The following BCAS1 variants were observed in gnomAD, a reference collection of about 807,000 sequenced individuals.
BCAS1 encodes the protein brain enriched myelin associated protein 1.
BCAS1 carries 46 observed loss-of-function variants against 65.4 expected under a neutral mutation model. That is an observed-to-expected ratio of 0.70 (90% CI 0.55 to 0.90). BCAS1 has a LOEUF of 0.90. Ranked by LOEUF, BCAS1 falls within the 40% of genes least tolerant of loss-of-function variation. The pLI is 0.00. For missense variants in BCAS1, 793 were observed against 771.2 expected (o/e 1.03, Z -0.33); for synonymous variants, 298 against 293.5 (o/e 1.02, Z -0.16).
intron 8 of BCAS1, among the ~76,000 whole-genome samples, chr20:53,980,754 T>G (rs563605842): frequency 6.6e-6 from 1 of 152,346 alleles, no homozygotes; most frequent in African/African-American, 2.4e-5. Flanking sequence ...AACTTGTATT[T>G]GTATTAGGCA....
intron 3 of BCAS1, among the ~76,000 whole-genome samples, chr20:54,041,634 A>G (rs2091994708): frequency 1.3e-5 from 2 of 152,180 alleles, no homozygotes; most frequent in African/African-American, 4.8e-5. Context: ...CTGTAATCCT[A>G]GCACTTTGGG....
chr20:53,976,816 C>T (rs1185339963), intron 8 of BCAS1, among the ~76,000 whole-genome samples: 1 of 152,206 alleles, frequency 6.6e-6, no homozygotes, highest in Non-Finnish European at 1.5e-5. Context: ...CTTCTTCCCA[C>T]AGTGAAGTTT....
chr20:53,951,700 C>A (rs966633756), intron 12 of BCAS1, among the ~76,000 whole-genome samples: 1 of 152,186 alleles, frequency 6.6e-6, no homozygotes, highest in South Asian at 2.1e-4. Context: ...AGAAGACTTG[C>A]GTTGGCAAAT....
intron 9 of BCAS1, among the ~76,000 whole-genome samples, chr20:53,974,954 AG>A (rs1285313778): frequency 1.3e-5 from 2 of 152,286 alleles, no homozygotes; most frequent in East Asian, 3.9e-4. Context: ...TGTTGCTGCA[AG>A]ATGTTCTCAT....
chr20:53,985,125 A>G (rs764026022), intron 8 of BCAS1, among the ~76,000 whole-genome samples, 162 bp downstream of exon 8: 1 of 152,204 alleles, frequency 6.6e-6, no homozygotes, highest in Non-Finnish European at 1.5e-5. Flanking sequence ...CATTTTTCCT[A>G]GGAACACATT....
At chr20:53,999,778 T>C (rs1317124370) in intron 4 of BCAS1, among the ~76,000 whole-genome samples, 1 of 152,172 alleles carries the variant, frequency 6.6e-6, no homozygotes, top group Admixed American at 6.5e-5. Flanking sequence ...TCACCCAGGC[T>C]GGAGTGCAGT....
rs772037629 is a variant in BCAS1 at position 53,944,939 on chromosome 20, C to G, written c.1873G>C (p.Val625Leu). 2 of 1,613,972 alleles carry G rather than the reference C, an allele frequency of 1.2e-6. No homozygotes were observed. Among genetic ancestry groups the G allele is most frequent in the East Asian group, 2.2e-5 (1 of 44,892 alleles). The change falls in exon 13 of 13, where the codon GTT becomes CTT. Residue 625 changes from valine to leucine, a missense_variant. Val to Leu is a conservative substitution (Grantham distance 32). Coordinates refer to ENST00000688948, the MANE Select transcript of BCAS1 (RefSeq NM_001366298.2). ...VQTDPVSIGPVGKSK is the reference protein window; with the variant it reads ...VQTDPVSIGPLGKSK The stretch of plus-strand genomic sequence containing the variant: ...TGATTTGTTTACTTGGATTTGCCAA[C>G]TGGTCCGATGGATACTGGGTCTGTT...
intron 4 of BCAS1, among the ~76,000 whole-genome samples, chr20:54,007,392 C>T (rs560185822): frequency 7.7e-4 from 117 of 152,262 alleles, no homozygotes; most frequent in African/African-American, 2.6e-3. Flanking sequence ...CCATGATGGA[C>T]GCCCTCTGAA....
chr20:54,052,463 A>G (rs185274554), intron 3 of BCAS1, among the ~76,000 whole-genome samples: 3 of 152,304 alleles, frequency 2.0e-5, no homozygotes, highest in Admixed American at 6.5e-5. Flanking sequence ...TAAGGAGTAT[A>G]CCATCTGCTA....
chr20:53,943,942 G>A lies in BCAS1; in HGVS notation c.*980C>T, dbSNP rs1463853406. 2.6e-5 allele frequency: 4 copies of A among 151,312 alleles called. No individual in the cohort carries two copies. In the East Asian group the frequency reaches 7.8e-4, roughly 29 times the overall value. The allele number at this position is 151,312 out of a possible 1,614,324, so 9.4% of individuals were successfully genotyped here. ...CCCCCTTGTGTTGCAAAATAACCGT[G>A]CAACTTCCTTTATTTTTTATTTATT... is the stretch of plus-strand genomic sequence containing the variant. On this transcript the variant is annotated 3_prime_UTR_variant, in exon 13 of 13. Transcript: ENST00000688948.
chr20:54,007,210 C>T lies in BCAS1; in HGVS notation c.724-11160G>A, dbSNP rs545742003. Among the ~76,000 whole-genome samples the T allele has an allele frequency of 4.6e-5, 7 of 152,234 alleles. No homozygotes were observed. The East Asian group carries it at 1.3e-3, about 29-fold the overall frequency. On this transcript the variant is annotated intron_variant, in intron 4 of 12. Transcript: ENST00000688948. ...GCAGCTCCTGTCCTGATTGGGTTTC[C>T]TAAAGGGCTGCAAGGCAATGATTCT...
chr20:54,069,539 C>T (rs1239854270), intron 1 of BCAS1, among the ~76,000 whole-genome samples: 1 of 152,234 alleles, frequency 6.6e-6, no homozygotes, highest in Non-Finnish European at 1.5e-5. Flanking sequence ...AGTTCCACAG[C>T]ATCCTTTCCA....
intron 3 of BCAS1, among the ~76,000 whole-genome samples, chr20:54,041,721 A>AAAAAC (rs1341504646): frequency 2.6e-5 from 4 of 151,934 alleles, no homozygotes; most frequent in African/African-American, 4.8e-5. Flanking sequence ...GTCTCTGCTA[A>AAAAAC]AAAACAAAAC....
intron 3 of BCAS1, among the ~76,000 whole-genome samples, chr20:54,035,950 G>A (rs1600948535): frequency 6.6e-6 from 1 of 151,122 alleles, no homozygotes; most frequent in Non-Finnish European, 1.5e-5. Flanking sequence ...AAGTATTGCC[G>A]AAAAAGAAAA....
chr20:53,980,448 G>T (rs1303241449), intron 8 of BCAS1, among the ~76,000 whole-genome samples: 3 of 152,180 alleles, frequency 2.0e-5, no homozygotes, highest in Non-Finnish European at 2.9e-5. Flanking sequence ...GAAAAAAATA[G>T]TAATGCTAAT....
chr20:54,047,572 G>C (rs941639602), intron 3 of BCAS1, among the ~76,000 whole-genome samples: 9 of 152,192 alleles, frequency 5.9e-5, no homozygotes, highest in Non-Finnish European at 1.3e-4. Context: ...GGAGCTGTTG[G>C]GCCATCTGGG....
intron 4 of BCAS1, among the ~76,000 whole-genome samples, chr20:54,015,302 G>A (rs2091411972): frequency 6.6e-6 from 1 of 152,086 alleles, no homozygotes; most frequent in South Asian, 2.1e-4. Flanking sequence ...AAAGTGTTGG[G>A]ATTACAGGCA....
At chr20:54,057,434 C>A (rs1026601822) in intron 3 of BCAS1, among the ~76,000 whole-genome samples, 11 of 152,208 alleles carry the variant, frequency 7.2e-5, no homozygotes, top group African/African-American at 2.2e-4. Flanking sequence ...ATGCCTTGTT[C>A]CAGGTCACAC....
intron 4 of BCAS1, among the ~76,000 whole-genome samples, chr20:54,010,845 C>G (rs2091303268): frequency 6.6e-6 from 1 of 152,116 alleles, no homozygotes; most frequent in African/African-American, 2.4e-5. Flanking sequence ...TGTTATATAG[C>G]TACAGTAAGC....
Sources: allele counts gnomAD v4.1 joint callset (sites outside exome capture counted in the v4.1 genomes callset), GRCh38; gene constraint gnomAD v4.1.1; transcripts MANE v1.5; gene names NCBI Gene and HGNC (gene_info 2026-07-23, HGNC 2026-07-21).